The following RABGEF1 variants were observed in gnomAD, a reference collection of about 807,000 sequenced individuals.
The protein encoded by RABGEF1 is rab5 GDP/GTP exchange factor.
In RABGEF1, 26 loss-of-function variants were observed where a neutral mutation model predicts 57.3. That is an observed-to-expected ratio of 0.45 (90% CI 0.33 to 0.63). RABGEF1 has a LOEUF of 0.63. Among genes scored for constraint, RABGEF1 ranks in the 20% least tolerant of loss-of-function variants. RABGEF1 has a pLI of 0.02. For synonymous variants in RABGEF1, 185 were observed against 210.7 expected (o/e 0.88, Z 1.06); for missense variants, 464 against 607.6 (o/e 0.76, Z 2.48).
At chr7:66,758,149 G>A (rs1278192529) in intron 1 of RABGEF1, among the ~76,000 whole-genome samples, 1 of 152,156 alleles carries the variant, frequency 6.6e-6, no homozygotes, top group Non-Finnish European at 1.5e-5. Context: ...ATTGAACCCA[G>A]GAATAGGAAG....
rs139734787 is a variant in RABGEF1, at chr7:66,742,768, A to G, written c.-18+1976A>G. ...ACTGCAGATGCGTGCCACCACACCC[A>G]GCTGATTTTTAAATATTTTGTAAAG... is the stretch of plus-strand genomic sequence containing the variant. On this transcript the variant is annotated intron_variant, in intron 1 of 8. Coordinates refer to ENST00000284957, the MANE Select transcript of RABGEF1 (RefSeq NM_014504.3). Among the ~76,000 whole-genome samples the G allele has an allele frequency of 4.6e-4, 70 of 152,208 alleles. 1 individual carries two copies. In the East Asian group the frequency reaches 0.013, roughly 27 times the overall value.
intron 1 of RABGEF1, 137 bp from the exon 2 acceptor site, chr7:66,771,742 TCTCC>T: frequency 2.1e-6 from 1 of 484,076 alleles, no homozygotes; most frequent in Non-Finnish European, 3.5e-6. Flanking sequence ...TCCTCCTCTT[TCTCC>T]CTCCCTCCTT....
intron 1 of RABGEF1, among the ~76,000 whole-genome samples, chr7:66,753,750 G>C (rs1410259574): frequency 8.2e-6 from 1 of 121,922 alleles, no homozygotes; most frequent in Non-Finnish European, 1.6e-5. Context: ...ACTGTCACCT[G>C]GGCTGGTGTG....
intron 1 of RABGEF1, among the ~76,000 whole-genome samples, chr7:66,759,257 A>G (rs1803598951): frequency 6.6e-6 from 1 of 152,186 alleles, no homozygotes; most frequent in African/African-American, 2.4e-5. Flanking sequence ...GGTTTGTTAC[A>G]GTGAGGGGAT....
At chr7:66,758,354 G>A (rs768009680) in intron 1 of RABGEF1, among the ~76,000 whole-genome samples, 6 of 152,168 alleles carry the variant, frequency 3.9e-5, no homozygotes, top group Non-Finnish European at 7.3e-5. Context: ...TAGCGCCGAG[G>A]CACAATTTAC....
In RABGEF1 at chr7:66,760,604, C is replaced by T. The variant is rs199819603; in HGVS notation, c.-17-11279C>T. Among the ~76,000 whole-genome samples, 34 of 152,016 alleles carry T rather than the reference C, an allele frequency of 2.2e-4. No homozygotes were observed. In the East Asian group the frequency reaches 5.4e-3, roughly 24 times the overall value. ...GACTACAGGTGCATGCCATCATGCC[C>T]GGCTAATTTTTGTATTTTTAATAGA... On this transcript the variant is annotated intron_variant, in intron 1 of 8. Transcript: ENST00000284957.
At chr7:66,673,324 C>T in the RABGEF1 span, among the ~76,000 whole-genome samples, 1 of 151,924 alleles carries the variant, frequency 6.6e-6, no homozygotes, top group Non-Finnish European at 1.5e-5. Context: ...GCTTGGGCCT[C>T]AATCTGGGGT....
intron 2 of RABGEF1, among the ~76,000 whole-genome samples, chr7:66,719,457 C>T (rs1463011644): frequency 6.6e-6 from 1 of 152,258 alleles, no homozygotes; most frequent in Non-Finnish European, 1.5e-5. Flanking sequence ...CGGCCCCCCG[C>T]AGTGTGCTGG....
At chr7:66,663,555 C>T in the RABGEF1 span, among the ~76,000 whole-genome samples, 141 of 129,636 alleles carry the variant, frequency 1.1e-3, no homozygotes, top group African/African-American at 2.7e-3. Context: ...TCCAGCCTGG[C>T]GACAGAGCAA....
intron 2 of RABGEF1, among the ~76,000 whole-genome samples, chr7:66,730,096 C>T (rs1336709006): frequency 1.3e-5 from 2 of 152,250 alleles, no homozygotes; most frequent in Non-Finnish European, 2.9e-5. Flanking sequence ...GCCTCCTCTT[C>T]AGGCCTCCCT....
intron 1 of RABGEF1, among the ~76,000 whole-genome samples, chr7:66,764,875 G>C (rs1215908729): frequency 2.0e-5 from 3 of 152,180 alleles, no homozygotes; most frequent in Non-Finnish European, 4.4e-5. Flanking sequence ...TTTGTAGTAA[G>C]TTTTGAAATT....
rs1299026479 is a variant in RABGEF1 at position 66,810,118 on chromosome 7, T to C, written c.*834T>C. 6.6e-6 allele frequency: 1 copy of C among 152,212 alleles called. No homozygotes were observed. Among genetic ancestry groups the C allele is most frequent in the African/African-American group, 2.4e-5 (1 of 41,452 alleles). 9.4% of individuals were successfully genotyped at this position (152,212 alleles called of 1,614,324 possible). On this transcript the variant is annotated 3_prime_UTR_variant, in exon 9 of 9. Transcript: ENST00000284957. ...GAAGGAGCAGGCACTGGGCCTGGAA[T>C]GGAAGGCGGGAATGAATGGGCCTCT...
intron 1 of RABGEF1, among the ~76,000 whole-genome samples, chr7:66,744,056 A>G (rs1315037459): frequency 7.3e-6 from 1 of 136,794 alleles, no homozygotes; most frequent in South Asian, 2.3e-4. Flanking sequence ...TTTTTTTTTT[A>G]AGACGGAGTC....
At chr7:66,713,180 C>T (rs1207856301) in intron 2 of RABGEF1, among the ~76,000 whole-genome samples, 4 of 147,278 alleles carry the variant, frequency 2.7e-5, no homozygotes, top group Non-Finnish European at 3.0e-5. Context: ...CTCCCTCTGT[C>T]GCCCAGGCTG....
rs550861094 is a variant in RABGEF1, at chr7:66,710,877, G to A, written c.-872-1290G>A. Among the ~76,000 whole-genome samples the A allele has an allele frequency of 3.3e-5, 5 of 152,012 alleles. No individual in the cohort carries two copies. In the East Asian group the frequency reaches 9.7e-4, roughly 29 times the overall value. ...CCATTTTGGGAGGCCAAGACAGGAG[G>A]ATCACCTGTAATCCCACCATTTTGG... On this transcript the variant is annotated intron_variant and NMD_transcript_variant, in intron 1 of 9. Coordinates refer to the RABGEF1 transcript ENST00000607882.
chr7:66,662,788 T>A, the RABGEF1 span, among the ~76,000 whole-genome samples: 1 of 149,792 alleles, frequency 6.7e-6, no homozygotes, highest in Non-Finnish European at 1.5e-5. Context: ...TGTGCACGCA[T>A]GTGTGTGCAG....
chr7:66,711,593 C>CT (rs572855385), intron 1 of RABGEF1, among the ~76,000 whole-genome samples: 228 of 145,134 alleles, frequency 1.6e-3, no homozygotes, highest in African/African-American at 2.0e-3. Context: ...CTATTCTTTT[C>CT]TTTTTTTTTT....
chr7:66,746,984 G>A (rs1800405610), intron 1 of RABGEF1, among the ~76,000 whole-genome samples: 1 of 151,932 alleles, frequency 6.6e-6, no homozygotes, highest in Admixed American at 6.6e-5. Context: ...AGTAGAGACG[G>A]GGTTTCACCA....
intron 1 of RABGEF1, among the ~76,000 whole-genome samples, chr7:66,752,851 A>G (rs1278234544): frequency 6.6e-6 from 1 of 152,080 alleles, no homozygotes; most frequent in Admixed American, 6.6e-5. Flanking sequence ...TTTTACTCCC[A>G]CCTTCACTGG....
Sources: allele counts gnomAD v4.1 joint callset (sites outside exome capture counted in the v4.1 genomes callset), GRCh38; gene constraint gnomAD v4.1.1; transcripts MANE v1.5; gene names NCBI Gene and HGNC (gene_info 2026-07-23, HGNC 2026-07-21).